Variants in TRAT1 observed in about 807,000 individuals in gnomAD.
The protein encoded by TRAT1 is T-cell receptor-associated transmembrane adapter 1.
In TRAT1, 20 loss-of-function variants were observed where a neutral mutation model predicts 20.0. The ratio of observed to expected loss-of-function variants is 1.00; its 90% confidence interval spans 0.70 to 1.45. TRAT1 has a LOEUF of 1.45. Among genes scored for constraint, TRAT1 ranks in the 40% most tolerant of loss-of-function variants. The probability of loss-of-function intolerance (pLI) is 0.00; values close to 1 mark genes in which losing one functional copy is unlikely to be tolerated. For missense variants in TRAT1, 237 were observed against 224.1 expected (o/e 1.06, Z -0.37); for synonymous variants, 77 against 74.2 (o/e 1.04, Z -0.20).
At chr3:108,852,021 A>G (rs1267941098) in intron 5 of TRAT1, among the ~76,000 whole-genome samples, 1 of 152,180 alleles carries the variant, frequency 6.6e-6, no homozygotes, top group South Asian at 2.1e-4. Flanking sequence ...CAGCTATTAC[A>G]ATTTTTCCAG....
intron 3 of TRAT1, among the ~76,000 whole-genome samples, chr3:108,841,799 C>T (rs1340530043): frequency 6.6e-6 from 1 of 152,112 alleles, no homozygotes; most frequent in Non-Finnish European, 1.5e-5. Context: ...TCTTGGGTCA[C>T]TTTATTTCTC....
At chr3:108,843,330 G>A (rs62266465) in intron 3 of TRAT1, among the ~76,000 whole-genome samples, 9,407 of 152,194 alleles carry the variant, frequency 0.062, 380 homozygotes, top group Middle Eastern at 0.16. Context: ...AAGAGATTGA[G>A]ATAATCCTGG....
At chr3:108,824,809 T>C (rs1945721913) in intron 1 of TRAT1, among the ~76,000 whole-genome samples, 2 of 152,220 alleles carry the variant, frequency 1.3e-5, no homozygotes. Flanking sequence ...ATAGCATTAC[T>C]AAGTATAATT....
chr3:108,827,111 C>T (rs1175108253), intron 1 of TRAT1, among the ~76,000 whole-genome samples: 1 of 152,130 alleles, frequency 6.6e-6, no homozygotes, highest in Non-Finnish European at 1.5e-5. Flanking sequence ...GATAATTTCT[C>T]GAGTTCTTCG....
At chr3:108,852,915 G>T (rs1946009833) in intron 5 of TRAT1, among the ~76,000 whole-genome samples, 1 of 152,182 alleles carries the variant, frequency 6.6e-6, no homozygotes, top group Non-Finnish European at 1.5e-5. Flanking sequence ...GCTTCCCCTA[G>T]ATAGCCTAGT....
At chr3:108,829,764 G>A (rs977050921) in intron 1 of TRAT1, among the ~76,000 whole-genome samples, 1 of 152,148 alleles carries the variant, frequency 6.6e-6, no homozygotes, top group African/African-American at 2.4e-5. Context: ...TGATGCTGGT[G>A]TAAACAAACC....
At chr3:108,848,236 T>G (rs976008489) in intron 4 of TRAT1, among the ~76,000 whole-genome samples, 36 of 152,198 alleles carry the variant, frequency 2.4e-4, no homozygotes, top group African/African-American at 8.2e-4. Context: ...CTTAGAGATC[T>G]GCTACTTAAC....
At chr3:108,826,652 A>G (rs1313721721) in intron 1 of TRAT1, among the ~76,000 whole-genome samples, 1 of 152,154 alleles carries the variant, frequency 6.6e-6, no homozygotes. Context: ...TAATACTGCT[A>G]TTGAGATTTC....
chr3:108,833,831 C>CACACACACAT (rs3220562), intron 2 of TRAT1, among the ~76,000 whole-genome samples: 6 of 148,744 alleles, frequency 4.0e-5, no homozygotes, highest in African/African-American at 1.5e-4. Flanking sequence ...CACACACACA[C>CACACACACAT]ATCTTTGCAT....
At chr3:108,827,388 G>A (rs1576517333) in intron 1 of TRAT1, among the ~76,000 whole-genome samples, 2 of 26,404 alleles carry the variant, frequency 7.6e-5, no homozygotes, top group Admixed American at 5.8e-4. Context: ...GTGTGTATGT[G>A]TGTGTGTGTG....
At chr3:108,831,435 T>C (rs545660736) in intron 2 of TRAT1, among the ~76,000 whole-genome samples, 39 of 152,276 alleles carry the variant, frequency 2.6e-4, no homozygotes, top group African/African-American at 8.9e-4. Context: ...GCTGTAGGCA[T>C]CCAATTCATG....
intron 5 of TRAT1, among the ~76,000 whole-genome samples, chr3:108,849,618 G>A (rs1420240819): frequency 6.6e-6 from 1 of 152,154 alleles, no homozygotes; most frequent in Non-Finnish European, 1.5e-5. Flanking sequence ...ATACAGAGCT[G>A]GGGTAGGGAG....
At chr3:108,840,830 A>C (rs889069923) in intron 3 of TRAT1, among the ~76,000 whole-genome samples, 6 of 152,206 alleles carry the variant, frequency 3.9e-5, no homozygotes, top group Non-Finnish European at 7.3e-5. Flanking sequence ...AGGACAACCA[A>C]AGTCTAAGAT....
chr3:108,851,555 C>T (rs531288613), intron 5 of TRAT1, among the ~76,000 whole-genome samples: 1 of 151,516 alleles, frequency 6.6e-6, no homozygotes, highest in African/African-American at 2.4e-5. Flanking sequence ...AATTGTTGAA[C>T]TTTTCTCAAG....
chr3:108,839,103 T>C (rs561356794), intron 3 of TRAT1, 136 bp downstream of exon 3: 3 of 677,160 alleles, frequency 4.4e-6, no homozygotes, highest in Non-Finnish European at 7.9e-6. Context: ...TAATTACTTT[T>C]ACTCTCATCT....
Position 108,853,890 on chromosome 3 carries a change from C to CTATGGTTTGATCTA in TRAT1, c.*15_*16insTGGTTTGATCTATA. ...ACCTATAAACTAGCTGGACCATGAT[C>CTATGGTTTGATCTA]TAGTTCAATGATTTGGCTCCTATTG... On this transcript the variant is annotated 3_prime_UTR_variant, in exon 6 of 6. Transcript: ENST00000295756. The CTATGGTTTGATCTA allele has an allele frequency of 6.2e-7, 1 of 1,611,568 alleles. No individual in the cohort carries two copies. Among genetic ancestry groups the CTATGGTTTGATCTA allele is most frequent in the Non-Finnish European group, 8.5e-7 (1 of 1,178,268 alleles).
intron 1 of TRAT1, among the ~76,000 whole-genome samples, chr3:108,830,113 T>A (rs911155294): frequency 2.4e-4 from 37 of 152,190 alleles, no homozygotes; most frequent in African/African-American, 8.7e-4. Flanking sequence ...AGAAGTGTAA[T>A]TAACTTTCCA....
chr3:108,849,972 G>C (rs1454373476), intron 5 of TRAT1, among the ~76,000 whole-genome samples: 1 of 152,154 alleles, frequency 6.6e-6, no homozygotes, highest in African/African-American at 2.4e-5. Context: ...TCTCCTCTCA[G>C]ATCCTGTCTT....
At chr3:108,833,884 C>T (rs150727557) in intron 2 of TRAT1, among the ~76,000 whole-genome samples, 1,697 of 152,040 alleles carry the variant, frequency 0.011, 22 homozygotes, top group African/African-American at 0.039. Context: ...CTGGTGCAGC[C>T]CATCACCATA....
Sources: gnomAD v4.1 joint callset for allele counts (sites outside exome capture counted in the v4.1 genomes callset) on GRCh38, gnomAD v4.1.1 for gene constraint, MANE v1.5 for transcripts, NCBI Gene and HGNC (gene_info 2026-07-23, HGNC 2026-07-21) for gene names.